The following ASIC2 variants were observed in gnomAD, a reference collection of about 807,000 sequenced individuals.
ASIC2 encodes the protein acid sensing ion channel subunit 2.
ASIC2 carries 25 observed loss-of-function variants against 57.3 expected under a neutral mutation model. That is an observed-to-expected ratio of 0.44 (90% CI 0.32 to 0.61). The LOEUF is 0.61. ASIC2 is among the 20% of genes least tolerant of loss of function. The pLI is 0.06. For synonymous variants in ASIC2, 319 were observed against 307.5 expected, an observed-to-expected ratio of 1.04 and a Z score of -0.39; for missense variants, 641 against 738.1, an observed-to-expected ratio of 0.87 and a Z score of 1.52.
At chr17:34,003,029 A>G (rs1455161787) in intron 1 of ASIC2, 3 of 152,226 alleles carry the variant, frequency 2.0e-5, no homozygotes, top group Admixed American at 2.0e-4. Context: ...TTCAAGGTAT[A>G]ATTGTTGGGA....
intron 1 of ASIC2, among the ~76,000 whole-genome samples, chr17:33,918,081 G>A (rs754766711): frequency 4.4e-4 from 67 of 152,140 alleles, no homozygotes; most frequent in Non-Finnish European, 9.3e-4. Context: ...AAGGATGGAC[G>A]ACATCCTTTT....
chr17:33,926,557 A>G (rs1456340701), intron 1 of ASIC2, among the ~76,000 whole-genome samples: 2 of 152,238 alleles, frequency 1.3e-5, no homozygotes, highest in African/African-American at 4.8e-5. Context: ...GGGTGTCACC[A>G]TCTCAGCCAC....
intron 1 of ASIC2, among the ~76,000 whole-genome samples, chr17:34,027,006 A>C (rs890698809): frequency 6.6e-6 from 1 of 152,226 alleles, no homozygotes; most frequent in African/African-American, 2.4e-5. Flanking sequence ...ATTACCCAGG[A>C]ATGTGGCAAT....
intron 1 of ASIC2, among the ~76,000 whole-genome samples, chr17:33,911,620 C>T (rs1221506406): frequency 1.3e-5 from 2 of 152,070 alleles, no homozygotes; most frequent in Non-Finnish European, 2.9e-5. Flanking sequence ...AGACTGTGTA[C>T]CCAGCTAACA....
At chr17:33,491,515 T>TA (rs1396152237) in intron 1 of ASIC2, among the ~76,000 whole-genome samples, 2 of 152,358 alleles carry the variant, frequency 1.3e-5, no homozygotes, top group African/African-American at 2.4e-5. Context: ...GGAAAAACTC[T>TA]AAAAAAGGAT....
intron 1 of ASIC2, among the ~76,000 whole-genome samples, chr17:33,716,800 T>C (rs750200816): frequency 6.6e-6 from 1 of 152,232 alleles, no homozygotes; most frequent in Admixed American, 6.5e-5. Flanking sequence ...TTGTATGGAT[T>C]CTTCTCCTCA....
At chr17:34,058,819 T>G (rs927681109) in intron 1 of ASIC2, among the ~76,000 whole-genome samples, 3 of 152,212 alleles carry the variant, frequency 2.0e-5, no homozygotes, top group African/African-American at 7.2e-5. Context: ...ATTTTCCATG[T>G]GCCAAATACC....
At chr17:33,330,906 T>G (rs548992757) in intron 1 of ASIC2, among the ~76,000 whole-genome samples, 1 of 152,142 alleles carries the variant, frequency 6.6e-6, no homozygotes, top group East Asian at 1.9e-4. Flanking sequence ...AAACAAACAT[T>G]AAGATCCAGG....
Position 33,015,957 on chromosome 17 carries a change from T to C in ASIC2, c.1590+14A>G, listed in dbSNP as rs141054977. 33 of 1,611,934 alleles carry C rather than the reference T, an allele frequency of 2.0e-5. No individual in the cohort carries two copies. The highest frequency in any genetic ancestry group is 1.7e-4 in the Admixed American group (10 of 60,014). On this transcript the variant is annotated intron_variant, in intron 9 of 9. Transcript: ENST00000225823. ...GAGCAGCAGAACAACTTCCAATCAGTGAGCTGCTCTTACCACATTCTCATC... is the reference window on the plus strand; with the variant it reads ...GAGCAGCAGAACAACTTCCAATCAGCGAGCTGCTCTTACCACATTCTCATC...
intron 1 of ASIC2, among the ~76,000 whole-genome samples, chr17:34,120,679 A>G (rs72822931): frequency 6.9e-4 from 100 of 144,190 alleles, no homozygotes; most frequent in Non-Finnish European, 1.1e-3. Context: ...GTTATACTAG[A>G]TGGAGTAAGG....
chr17:33,299,951 A>T (rs2142193111), intron 1 of ASIC2, among the ~76,000 whole-genome samples: 1 of 152,346 alleles, frequency 6.6e-6, no homozygotes, highest in East Asian at 1.9e-4. Flanking sequence ...ACACCGGTTG[A>T]TACTGATAAA....
chr17:33,371,719 G>C (rs971192331), intron 1 of ASIC2, among the ~76,000 whole-genome samples: 7 of 152,008 alleles, frequency 4.6e-5, no homozygotes, highest in Non-Finnish European at 8.8e-5. Flanking sequence ...ACAGGGAGAG[G>C]GTGAAAATAA....
At chr17:33,439,933 A>G (rs563712807) in intron 1 of ASIC2, among the ~76,000 whole-genome samples, 2 of 152,334 alleles carry the variant, frequency 1.3e-5, no homozygotes, top group East Asian at 3.9e-4. Flanking sequence ...TGACCTGGTA[A>G]AGGCAATGTG....
intron 1 of ASIC2, among the ~76,000 whole-genome samples, chr17:33,345,410 GA>G (rs975810949): frequency 6.6e-6 from 1 of 152,172 alleles, no homozygotes; most frequent in African/African-American, 2.4e-5. Flanking sequence ...AAATAAGTAA[GA>G]AAAATGTGAA....
chr17:33,714,820 TTTTTTGA>T (rs1161348396), intron 1 of ASIC2, among the ~76,000 whole-genome samples: 2 of 149,424 alleles, frequency 1.3e-5, no homozygotes, highest in Non-Finnish European at 3.0e-5. Flanking sequence ...TTTTTTTTTT[TTTTTTGA>T]TTTTTGAGAC....
chr17:34,050,320 T>C (rs1430581581), intron 1 of ASIC2, among the ~76,000 whole-genome samples: 3 of 152,032 alleles, frequency 2.0e-5, no homozygotes, highest in African/African-American at 7.3e-5. Context: ...CATGCACAGG[T>C]TGGGGCTACT....
chr17:33,150,510 C>A (rs1028707792), intron 1 of ASIC2, among the ~76,000 whole-genome samples: 2 of 152,098 alleles, frequency 1.3e-5, no homozygotes, highest in Non-Finnish European at 2.9e-5. Context: ...ATCACTTATT[C>A]CAAGGTCTTA....
intron 1 of ASIC2, among the ~76,000 whole-genome samples, chr17:33,978,074 G>A (rs1293082330): frequency 6.6e-6 from 1 of 152,202 alleles, no homozygotes; most frequent in African/African-American, 2.4e-5. Context: ...AGGCACATGA[G>A]TGAATTCATA....
intron 3 of ASIC2, among the ~76,000 whole-genome samples, chr17:33,047,233 G>C (rs1355415729): frequency 1.3e-5 from 2 of 152,204 alleles, no homozygotes; most frequent in East Asian, 3.8e-4. Context: ...TTCCCTCTCA[G>C]AGTTGAGGGT....
Sources: gnomAD v4.1 joint callset for allele counts (sites outside exome capture counted in the v4.1 genomes callset) on GRCh38, gnomAD v4.1.1 for gene constraint, MANE v1.5 for transcripts, NCBI Gene and HGNC (gene_info 2026-07-23, HGNC 2026-07-21) for gene names.